ADK: variants seen among roughly 807,000 people sequenced by gnomAD.
ADK encodes adenosine kinase, also known as N6,N6-dimethyladenosine kinase.
In ADK, 24 loss-of-function variants were observed where a neutral mutation model predicts 44.7. The observed-to-expected ratio is 0.54, with a 90% CI of 0.39 to 0.76. The LOEUF (loss-of-function observed/expected upper bound fraction) is 0.76, where lower values mean the gene tolerates loss of function less well. Ranked by LOEUF, ADK falls within the 30% of genes least tolerant of loss-of-function variation. The pLI is 0.00. For missense variants in ADK, 321 were observed against 425.1 expected (o/e 0.76, Z 2.15); for synonymous variants, 128 against 142.6 (o/e 0.90, Z 0.73).
intron 7 of ADK, among the ~76,000 whole-genome samples, chr10:74,577,110 C>CTCTGTG (rs1554883617): frequency 5.5e-4 from 76 of 137,416 alleles, no homozygotes; most frequent in Admixed American, 1.2e-3. Context: ...TATTATTTCT[C>CTCTGTG]TGTGTGTGTG....
At chr10:74,708,094 T>C (rs1362214724) in intron 10 of ADK, among the ~76,000 whole-genome samples, 2 of 139,244 alleles carry the variant, frequency 1.4e-5, no homozygotes, top group Non-Finnish European at 3.0e-5. Flanking sequence ...GAGGTTGCAG[T>C]GGCCAAGATG....
At chr10:74,210,330 G>GAAAAAAAAAAAAAAA (rs57852507) in intron 2 of ADK, among the ~76,000 whole-genome samples, 2 of 84,922 alleles carry the variant, frequency 2.4e-5, no homozygotes, top group African/African-American at 4.5e-5. Flanking sequence ...TCCATCTCAG[G>GAAAAAAAAAAAAAAA]AAAAAAAAAA....
intron 4 of ADK, among the ~76,000 whole-genome samples, chr10:74,381,327 A>G (rs990582843): frequency 6.6e-6 from 1 of 152,246 alleles, no homozygotes; most frequent in African/African-American, 2.4e-5. Flanking sequence ...GGTAAATAAA[A>G]TGGTAAATAG....
At position 74,195,819 on chromosome 10, in the gene ADK, G is replaced by A. The variant is rs1349959332; in HGVS notation, c.66-4945G>A. ...AGCTTCCCTAGTAACTGGGGCTATA[G>A]GCACATGCCACCACACGCGGCTAAT... On this transcript the variant is annotated intron_variant, in intron 1 of 10. Transcript: ENST00000539909. Among the ~76,000 whole-genome samples, 3 of 149,060 alleles carry A rather than the reference G, an allele frequency of 2.0e-5. No homozygotes were observed. The South Asian group carries it at 6.4e-4, about 32-fold the overall frequency.
chr10:74,699,472 G>T (rs1350950578), intron 10 of ADK, among the ~76,000 whole-genome samples: 1 of 152,104 alleles, frequency 6.6e-6, no homozygotes, highest in South Asian at 2.1e-4. Context: ...GCAGTCAGGA[G>T]TTCAAGACCA....
intron 6 of ADK, among the ~76,000 whole-genome samples, chr10:74,451,574 G>C (rs1449118053): frequency 1.3e-5 from 2 of 152,120 alleles, no homozygotes; most frequent in Non-Finnish European, 2.9e-5. Context: ...ATCCACATTT[G>C]TGGTTCATTT....
chr10:74,267,581 C>T (rs1294654392), intron 3 of ADK, among the ~76,000 whole-genome samples: 4 of 152,048 alleles, frequency 2.6e-5, no homozygotes, highest in Admixed American at 2.6e-4. Context: ...GAAACCCTAA[C>T]TCATACTGGC....
At chr10:74,567,901 G>A (rs1017728553) in intron 7 of ADK, among the ~76,000 whole-genome samples, 4 of 151,802 alleles carry the variant, frequency 2.6e-5, no homozygotes, top group East Asian at 1.9e-4. Context: ...GAGTTTCACC[G>A]AGTTAGCCAG....
intron 7 of ADK, among the ~76,000 whole-genome samples, chr10:74,542,441 C>A (rs2133733395): frequency 6.6e-6 from 1 of 152,100 alleles, no homozygotes; most frequent in East Asian, 1.9e-4. Context: ...TTTTTTTTGT[C>A]TTTAGCCTTT....
intron 1 of ADK, among the ~76,000 whole-genome samples, chr10:74,169,141 C>G (rs1233184654): frequency 6.6e-6 from 1 of 151,862 alleles, no homozygotes; most frequent in Non-Finnish European, 1.5e-5. Context: ...ATTGCTCGAG[C>G]CTGGGAGGCG....
At chr10:74,628,640 C>A (rs1416280496) in intron 9 of ADK, among the ~76,000 whole-genome samples, 3 of 152,022 alleles carry the variant, frequency 2.0e-5, no homozygotes. Flanking sequence ...GTACAACAAC[C>A]TCATCACTTC....
chr10:74,650,571 C>A (rs370249109), intron 9 of ADK, among the ~76,000 whole-genome samples: 16 of 152,180 alleles, frequency 1.1e-4, no homozygotes, highest in Admixed American at 5.9e-4. Flanking sequence ...CTTTGGGGTA[C>A]TACTAGCACA....
rs1455311775 is a variant in ADK at position 74,480,725 on chromosome 10, T to C, written c.556-44531T>C. On this transcript the variant is annotated intron_variant, in intron 6 of 10. Coordinates refer to ENST00000539909, the MANE Select transcript of ADK (RefSeq NM_006721.4). ...TAGACCTTTCTTGTTTGGGGTCAGT[T>C]TTTCCAGGTATGCAATAATAAGCTG... Among the ~76,000 whole-genome samples the C allele has an allele frequency of 2.0e-3, 306 of 152,304 alleles. 3 individuals are homozygous for C. The highest frequency in any genetic ancestry group is 2.3e-3 in the East Asian group (12 of 5,188).
chr10:74,537,819 A>C (rs1241623377), intron 7 of ADK, among the ~76,000 whole-genome samples: 1 of 152,148 alleles, frequency 6.6e-6, no homozygotes, highest in Non-Finnish European at 1.5e-5. Context: ...ATGCACTTTA[A>C]GATAGTTTCA....
intron 7 of ADK, among the ~76,000 whole-genome samples, chr10:74,552,835 A>C (rs1341599645): frequency 6.6e-6 from 1 of 152,192 alleles, no homozygotes; most frequent in Non-Finnish European, 1.5e-5. Flanking sequence ...GAGGATGAAC[A>C]TTATTAATCA....
chr10:74,551,509 C>T (rs1383370294), intron 7 of ADK: 2 of 152,156 alleles, frequency 1.3e-5, no homozygotes, highest in Non-Finnish European at 2.9e-5. Context: ...AACAATTTTT[C>T]AGGAAAAATA....
At chr10:74,590,564 T>A (rs1382841030) in intron 8 of ADK, among the ~76,000 whole-genome samples, 1 of 152,136 alleles carries the variant, frequency 6.6e-6, no homozygotes, top group Non-Finnish European at 1.5e-5. Context: ...AAAGAACTAC[T>A]CCAGAGTAGG....
chr10:74,554,051 CT>C (rs1850146034), intron 7 of ADK, among the ~76,000 whole-genome samples: 1 of 152,076 alleles, frequency 6.6e-6, no homozygotes, highest in South Asian at 2.1e-4. Flanking sequence ...AATCTTTTGC[CT>C]TATTGCATAT....
chr10:74,353,554 T>C (rs1317462706), intron 4 of ADK, among the ~76,000 whole-genome samples: 1 of 131,434 alleles, frequency 7.6e-6, no homozygotes, highest in Non-Finnish European at 1.6e-5. Flanking sequence ...TGCACATATA[T>C]CCCAGAACTT....
Sources: allele counts gnomAD v4.1 joint callset (sites outside exome capture counted in the v4.1 genomes callset), GRCh38; gene constraint gnomAD v4.1.1; transcripts MANE v1.5; gene names NCBI Gene and HGNC (gene_info 2026-07-23, HGNC 2026-07-21).